Variants in CHLSN observed in about 807,000 individuals in gnomAD.
CHLSN encodes the protein protein cholesin.
At chr7:1,111,480 G>A in the CHLSN span, among the ~76,000 whole-genome samples, 4 of 152,188 alleles carry the variant, frequency 2.6e-5, no homozygotes, top group East Asian at 1.9e-4. Flanking sequence ...TTATTCAAGG[G>A]CCTGCTGTTT....
the CHLSN span, among the ~76,000 whole-genome samples, chr7:980,781 G>A: frequency 1.3e-5 from 2 of 149,034 alleles, no homozygotes; most frequent in East Asian, 2.0e-4. Flanking sequence ...TCCGCCTCCC[G>A]GGTTCACGCC....
chr7:1,102,781 A>T, the CHLSN span, among the ~76,000 whole-genome samples: 2 of 152,164 alleles, frequency 1.3e-5, no homozygotes, highest in Admixed American at 1.3e-4. Flanking sequence ...GTGTGCTGGG[A>T]TTGGGAAGTT....
the CHLSN span, among the ~76,000 whole-genome samples, chr7:1,103,835 C>T: frequency 2.0e-5 from 3 of 152,254 alleles, no homozygotes; most frequent in Admixed American, 2.0e-4. Context: ...GGTGCCCAAC[C>T]CGGAACTAGC....
the CHLSN span, among the ~76,000 whole-genome samples, chr7:1,100,643 G>A: frequency 4.6e-5 from 7 of 152,226 alleles, no homozygotes; most frequent in East Asian, 1.2e-3. Context: ...TGAGTCAGCT[G>A]ACCCAGCTCT....
the CHLSN span, among the ~76,000 whole-genome samples, chr7:1,078,766 G>A: frequency 3.3e-5 from 5 of 152,222 alleles, no homozygotes; most frequent in Non-Finnish European, 5.9e-5. Flanking sequence ...CTGGGACCCC[G>A]GGACAGTGCC....
the CHLSN span, chr7:1,022,864 A>G: frequency 9.2e-5 from 34 of 367,636 alleles, no homozygotes; most frequent in African/African-American, 5.5e-4. Context: ...AGACCCACGC[A>G]TACGAGTCCA....
the CHLSN span, among the ~76,000 whole-genome samples, chr7:1,099,033 G>A: frequency 1.3e-4 from 20 of 152,262 alleles, no homozygotes; most frequent in Non-Finnish European, 1.5e-4. Flanking sequence ...TTCAAGCGCC[G>A]GGCTGTGTTC....
chr7:987,103 G>C, the CHLSN span: 1 of 1,537,990 alleles, frequency 6.5e-7, no homozygotes, highest in East Asian at 2.4e-5. Context: ...CCACGCCTCT[G>C]CAGGGGGATG....
the CHLSN span, chr7:984,717 G>A: frequency 6.2e-6 from 8 of 1,281,602 alleles, no homozygotes; most frequent in African/African-American, 1.5e-5. Flanking sequence ...GGCTGGTGCT[G>A]AGAAGGGCCA....
the CHLSN span, among the ~76,000 whole-genome samples, chr7:1,074,959 C>T: frequency 1.3e-5 from 2 of 152,220 alleles, no homozygotes; most frequent in African/African-American, 4.8e-5. Context: ...GTGGCTGCCC[C>T]GTGTGGTGAG....
At chr7:1,102,370 A>G in the CHLSN span, among the ~76,000 whole-genome samples, 1 of 152,216 alleles carries the variant, frequency 6.6e-6, no homozygotes, top group Admixed American at 6.5e-5. Flanking sequence ...TACAAGAAGA[A>G]GAGGAGGGGG....
At chr7:1,091,701 A>G in the CHLSN span, 352 of 1,492,960 alleles carry the variant, frequency 2.4e-4, no homozygotes, top group Non-Finnish European at 3.0e-4. Context: ...CCTTTCGGCA[A>G]ATCTTGAAAG....
chr7:1,063,066 C>T, the CHLSN span, among the ~76,000 whole-genome samples: 2 of 152,168 alleles, frequency 1.3e-5, no homozygotes, highest in South Asian at 2.1e-4. Context: ...CTGCCCCCTC[C>T]GTTCTCTCTG....
At chr7:998,992 G>A in the CHLSN span, among the ~76,000 whole-genome samples, 5 of 152,212 alleles carry the variant, frequency 3.3e-5, no homozygotes, top group East Asian at 7.7e-4. Flanking sequence ...AAATATGTAC[G>A]GTTACATATG....
the CHLSN span, chr7:1,000,669 C>T: frequency 2.6e-6 from 2 of 760,080 alleles, no homozygotes; most frequent in African/African-American, 1.8e-5. Context: ...AGGTACTACA[C>T]ACCAAGGCCT....
At chr7:1,027,186 G>C in the CHLSN span, among the ~76,000 whole-genome samples, 5 of 152,234 alleles carry the variant, frequency 3.3e-5, no homozygotes, top group African/African-American at 1.2e-4. Context: ...TGGGAACTAA[G>C]TACGGGTTAG....
chr7:1,009,829 C>G, the CHLSN span: 1 of 877,896 alleles, frequency 1.1e-6, no homozygotes, highest in Non-Finnish European at 1.7e-6. Context: ...CTGGCATGAA[C>G]GCTCATACCT....
At chr7:1,093,520 GC>G in the CHLSN span, 6 of 470,810 alleles carry the variant, frequency 1.3e-5, no homozygotes, top group Non-Finnish European at 8.8e-6. Flanking sequence ...CAGCAGGAAG[GC>G]CCCTCTGTGG....
the CHLSN span, among the ~76,000 whole-genome samples, chr7:1,020,454 C>T: frequency 6.6e-6 from 1 of 152,198 alleles, no homozygotes; most frequent in African/African-American, 2.4e-5. Context: ...CCCCATCTTG[C>T]GTCTCCACCC....
Sources: gnomAD v4.1 joint callset for allele counts (sites outside exome capture counted in the v4.1 genomes callset) on GRCh38, gnomAD v4.1.1 for gene constraint, MANE v1.5 for transcripts, NCBI Gene and HGNC (gene_info 2026-07-23, HGNC 2026-07-21) for gene names.